Variants in AASDH observed in about 807,000 individuals in gnomAD.
The protein encoded by AASDH is aminoadipate-semialdehyde dehydrogenase.
Under a neutral mutation model 102.3 loss-of-function variants are expected in AASDH, and 81 were observed. That is an observed-to-expected ratio of 0.79 (90% CI 0.66 to 0.95). AASDH has a LOEUF of 0.95. Ranked by LOEUF, AASDH falls within the 40% of genes least tolerant of loss-of-function variation. AASDH has a pLI of 0.00. For synonymous variants in AASDH, 398 were observed against 454.0 expected (o/e 0.88, Z 1.57); for missense variants, 1,203 against 1,266.2 (o/e 0.95, Z 0.76).
chr4:56,341,418 G>T, intron 14 of AASDH, among the ~76,000 whole-genome samples: 1 of 50,588 alleles, frequency 2.0e-5, no homozygotes, highest in East Asian at 2.8e-4. Flanking sequence ...TTTGGAGACA[G>T]AGTCTCGCTC....
chr4:56,353,536 A>G lies in AASDH; in HGVS notation c.1444T>C (p.Leu482=), dbSNP rs755920482. 1 of 1,613,548 alleles carries G rather than the reference A, an allele frequency of 6.2e-7. No individual in the cohort carries two copies. The highest frequency in any genetic ancestry group is 2.2e-5 in the East Asian group (1 of 44,834). The part of the protein sequence containing the change: ...CAVTWYNQEK[L]ILFMVSKDAS... Reference sequence around the variant, plus strand: ...TCTTTAGACACCATGAAGAGAATTAATTTTTCCTGATTATACCATGTAACT... The same window carrying G: ...TCTTTAGACACCATGAAGAGAATTAGTTTTTCCTGATTATACCATGTAACT... The change falls in exon 9 of 15, where the codon TTA becomes CTA. Residue 482 remains leucine (L), a synonymous_variant. Coordinates refer to ENST00000205214, the MANE Select transcript of AASDH (RefSeq NM_181806.4).
rs772245204 is a variant in AASDH at position 56,371,622 on chromosome 4, T to A, written c.690A>T (p.Gln230His). 22 of 1,603,824 alleles carry A rather than the reference T, an allele frequency of 1.4e-5. No individual in the cohort carries two copies. The highest frequency in any genetic ancestry group is 1.7e-5 in the Non-Finnish European group (20 of 1,177,988). The change falls in exon 5 of 15, where the codon CAA becomes CAT. Residue 230 changes from glutamine (Q) to histidine (H), a missense_variant. Physicochemically the swap from Gln to His is conservative, Grantham distance 24 (BLOSUM62 0). Transcript: ENST00000205214. ...GTGAAGCCAGAAACAAAACATCTTCTTGTGTGATGTCAAAAAGTACCCTAA... is the reference window on the plus strand; with the variant it reads ...GTGAAGCCAGAAACAAAACATCTTCATGTGTGATGTCAAAAAGTACCCTAA... ...QHFRVLFDIT[Q>H]EDVLFLASPL... is the part of the protein sequence containing the mutation.
At chr4:56,366,288 G>A (rs1022302591) in intron 5 of AASDH, among the ~76,000 whole-genome samples, 1 of 152,134 alleles carries the variant, frequency 6.6e-6, no homozygotes, top group Admixed American at 6.5e-5. Context: ...TTCTACCAGA[G>A]GTACAAGGAG....
rs747871050 is a variant in AASDH, at chr4:56,343,688, C to A, written c.2653-4G>T. On this transcript the variant is annotated splice_region_variant and splice_polypyrimidine_tract_variant and intron_variant, in intron 12 of 14. Transcript: ENST00000205214. Reference sequence around the variant, plus strand: ...ACTTCCAAACACACTTCTTTCTCTGCAAATAAGAAAACAAATTAATTTGTT... The same window carrying A: ...ACTTCCAAACACACTTCTTTCTCTGAAAATAAGAAAACAAATTAATTTGTT... The A allele has an allele frequency of 1.7e-5, 27 of 1,602,748 alleles. No homozygotes were observed. Among genetic ancestry groups the A allele is most frequent in the Non-Finnish European group, 2.3e-5 (27 of 1,174,916 alleles).
intron 3 of AASDH, among the ~76,000 whole-genome samples, chr4:56,380,743 C>T (rs1035623237): frequency 1.3e-5 from 2 of 152,172 alleles, no homozygotes; most frequent in East Asian, 3.8e-4. Context: ...TTCAACACTA[C>T]TGATATTTTG....
chr4:56,341,790 TG>T (rs769615650), intron 14 of AASDH, among the ~76,000 whole-genome samples: 8 of 151,998 alleles, frequency 5.3e-5, no homozygotes, highest in African/African-American at 7.2e-5. Flanking sequence ...CTAAAAAAGT[TG>T]ATCTCAGGGA....
intron 1 of AASDH, among the ~76,000 whole-genome samples, 177 bp from the exon 2 acceptor site, chr4:56,384,518 A>G (rs1753328118): frequency 6.6e-6 from 1 of 152,228 alleles, no homozygotes; most frequent in Non-Finnish European, 1.5e-5. Context: ...TGAGGTTGAA[A>G]ATTAACTTGA....
intron 3 of AASDH, chr4:56,381,649 T>TCACACACACACACACACACACACACA (rs150222194): frequency 7.0e-6 from 1 of 142,304 alleles, no homozygotes; most frequent in African/African-American, 2.7e-5. Flanking sequence ...TTGACACTTC[T>TCACACACACACACACACACACACACA]CACACACACA....
intron 1 of AASDH, among the ~76,000 whole-genome samples, chr4:56,384,989 A>G (rs573862476): frequency 1.3e-4 from 20 of 152,316 alleles, no homozygotes; most frequent in African/African-American, 4.8e-4. Flanking sequence ...CAGGCGAATC[A>G]CTTGAACCCA....
At chr4:56,363,537 G>C (rs931381528) in intron 5 of AASDH, among the ~76,000 whole-genome samples, 1 of 152,284 alleles carries the variant, frequency 6.6e-6, no homozygotes, top group South Asian at 2.1e-4. Flanking sequence ...CCAGAAGAAC[G>C]ATCAGGCAGC....
At chr4:56,385,013 G>A (rs1169476697) in intron 1 of AASDH, among the ~76,000 whole-genome samples, 1 of 152,218 alleles carries the variant, frequency 6.6e-6, no homozygotes, top group Non-Finnish European at 1.5e-5. Context: ...GGCAGAGGTT[G>A]CAGTGAGCCA....
intron 2 of AASDH, among the ~76,000 whole-genome samples, 182 bp downstream of exon 2, chr4:56,383,888 T>A (rs1271531215): frequency 3.5e-5 from 5 of 143,674 alleles, no homozygotes; most frequent in African/African-American, 1.3e-4. Flanking sequence ...AAGCTCAGAA[T>A]AATTAATTTA....
At chr4:56,355,119 C>A in intron 6 of AASDH, 63 bp downstream of exon 6, 1 of 1,524,016 alleles carries the variant, frequency 6.6e-7, no homozygotes, top group South Asian at 1.3e-5. Context: ...AAAACACTGT[C>A]AGTGTTAAGA....
chr4:56,385,603 T>A (rs1405054737), intron 1 of AASDH, among the ~76,000 whole-genome samples: 2 of 152,086 alleles, frequency 1.3e-5, no homozygotes, highest in Non-Finnish European at 2.9e-5. Context: ...TTCAGTAAAG[T>A]TTTTGTTTGT....
At chr4:56,383,964 T>C in intron 2 of AASDH, 106 bp downstream of exon 2, 2 of 904,330 alleles carry the variant, frequency 2.2e-6, no homozygotes, top group Non-Finnish European at 3.4e-6. Context: ...GACCAAACAA[T>C]ATAGAAAAGT....
chr4:56,342,871 A>G lies in AASDH; in HGVS notation c.2871T>C (p.Asp957=). The G allele has an allele frequency of 1.3e-6, 2 of 1,545,900 alleles. No individual in the cohort carries two copies. Among genetic ancestry groups the G allele is most frequent in the Non-Finnish European group, 1.7e-6 (2 of 1,144,216 alleles). The part of the protein sequence containing the change: ...CSQYICIGCV[D]GNLLCFTHFG... ...AGTGAGTAAAGCAGAGTAAATTCCC[A>G]TCTACACAGCCAATACAAATATACT... Residue 957 remains aspartate (D), a synonymous_variant, in exon 14 of 15, where the codon GAT becomes GAC. Coordinates refer to ENST00000205214, the MANE Select transcript of AASDH (RefSeq NM_181806.4).
intron 6 of AASDH, 23 bp downstream of exon 6, chr4:56,355,159 T>C (rs191382826): frequency 1.1e-4 from 182 of 1,609,952 alleles, no homozygotes; most frequent in Non-Finnish European, 1.4e-5. Context: ...CTCTTCTCTA[T>C]ATAGTACAAT....
Position 56,381,160 on chromosome 4 carries a change from A to C in AASDH, c.351+1317T>G, listed in dbSNP as rs144435392. ...TATAAAATTTTCACTAAGATTGCTAAGAAAAATAAACATCACATCCCCATT... is the reference window on the plus strand; with the variant it reads ...TATAAAATTTTCACTAAGATTGCTACGAAAAATAAACATCACATCCCCATT... On this transcript the variant is annotated intron_variant, in intron 3 of 14. Transcript: ENST00000205214. Among the ~76,000 whole-genome samples the C allele has an allele frequency of 4.6e-5, 7 of 152,358 alleles. No individual in the cohort carries two copies. In the East Asian group the frequency reaches 1.3e-3, roughly 29 times the overall value.
rs1367627680 is a variant in AASDH at position 56,378,498 on chromosome 4, A to C, written c.352-34T>G. On this transcript the variant is annotated intron_variant, in intron 3 of 14. Transcript: ENST00000205214. The stretch of plus-strand genomic sequence containing the variant: ...AATGGGGGACAAAGTTTACAGTATT[A>C]GTATGTTAAAAGATATTCTTCTTTA... The C allele has an allele frequency of 5.4e-6, 8 of 1,470,236 alleles. No individual in the cohort carries two copies. In the Admixed American group the frequency reaches 6.5e-5, roughly 12 times the overall value. The allele number at this position is 1,470,236 out of a possible 1,614,324, so 91.1% of individuals were successfully genotyped here. A position where few individuals can be genotyped will look rare whatever the true frequency, so the allele number is the denominator to read the frequency against.
Sources: allele counts gnomAD v4.1 joint callset (sites outside exome capture counted in the v4.1 genomes callset), GRCh38; gene constraint gnomAD v4.1.1; transcripts MANE v1.5; gene names NCBI Gene and HGNC (gene_info 2026-07-23, HGNC 2026-07-21).